CNTNAP2: variants seen among roughly 807,000 people sequenced by gnomAD.
CNTNAP2 encodes the protein contactin associated protein 2, also known as contactin-associated protein-like 2.
In CNTNAP2, 98 loss-of-function variants were observed where a neutral mutation model predicts 155.2. The ratio of observed to expected loss-of-function variants is 0.63; its 90% CI spans 0.54 to 0.75. The LOEUF (loss-of-function observed/expected upper bound fraction) is 0.75. Ranked by LOEUF, CNTNAP2 falls within the 30% of genes least tolerant of loss-of-function variation. The pLI is 0.00. For synonymous variants in CNTNAP2, 651 were observed against 631.2 expected (o/e 1.03, Z -0.47); for missense variants, 1,727 against 1,688.1 (o/e 1.02, Z -0.40).
intron 8 of CNTNAP2, among the ~76,000 whole-genome samples, chr7:147,172,938 C>G (rs577759620): frequency 1.3e-5 from 2 of 152,198 alleles, no homozygotes; most frequent in Admixed American, 1.3e-4. Context: ...CGTAATATAA[C>G]TGTCACAGAA....
At chr7:148,333,241 G>A (rs766026462) in intron 21 of CNTNAP2, among the ~76,000 whole-genome samples, 6 of 152,008 alleles carry the variant, frequency 3.9e-5, no homozygotes, top group South Asian at 2.1e-4. Flanking sequence ...CAGCCTGGCC[G>A]ACATGGCAAA....
intron 2 of CNTNAP2, among the ~76,000 whole-genome samples, chr7:146,778,310 A>T (rs949757548): frequency 2.0e-5 from 3 of 152,238 alleles, no homozygotes; most frequent in Admixed American, 6.5e-5. Context: ...ATATTTATGA[A>T]ATTGAATTTA....
chr7:147,368,129 C>T (rs992066426), intron 9 of CNTNAP2, among the ~76,000 whole-genome samples: 1 of 136,790 alleles, frequency 7.3e-6, no homozygotes, highest in Non-Finnish European at 1.6e-5. Flanking sequence ...CACACACACA[C>T]ACAAATATAC....
chr7:146,135,010 G>A (rs1197358497), intron 1 of CNTNAP2, among the ~76,000 whole-genome samples: 1 of 151,814 alleles, frequency 6.6e-6, no homozygotes, highest in Non-Finnish European at 1.5e-5. Flanking sequence ...TTGTACCTCT[G>A]GTAGAATTCA....
At chr7:147,369,260 AT>A (rs1796300141) in intron 9 of CNTNAP2, among the ~76,000 whole-genome samples, 1 of 152,228 alleles carries the variant, frequency 6.6e-6, no homozygotes, top group African/African-American at 2.4e-5. Flanking sequence ...CGTATTGGAT[AT>A]CTTCTCATGA....
intron 21 of CNTNAP2, among the ~76,000 whole-genome samples, chr7:148,303,162 C>T (rs1249230074): frequency 6.6e-6 from 1 of 152,222 alleles, no homozygotes; most frequent in East Asian, 1.9e-4. Flanking sequence ...GGGTCCCATA[C>T]ATCCTGAAAA....
intron 22 of CNTNAP2, 78 bp from the exon 23 acceptor site, chr7:148,409,313 C>A: frequency 9.0e-7 from 1 of 1,115,468 alleles, no homozygotes; most frequent in Non-Finnish European, 1.4e-6. Flanking sequence ...TGAAGAGTTG[C>A]ATGAAGAAAT....
At chr7:148,180,901 T>C (rs899877266) in intron 18 of CNTNAP2, among the ~76,000 whole-genome samples, 32 of 152,210 alleles carry the variant, frequency 2.1e-4, no homozygotes, top group African/African-American at 7.5e-4. Context: ...TCTGAGTGGA[T>C]GAGGTGGGGA....
At chr7:146,838,593 C>T (rs537640139) in intron 2 of CNTNAP2, among the ~76,000 whole-genome samples, 2 of 150,440 alleles carry the variant, frequency 1.3e-5, no homozygotes, top group South Asian at 4.2e-4. Context: ...GCTGGGATTA[C>T]AGGCGTGAGC....
At chr7:147,133,716 A>G (rs1183446213) in intron 8 of CNTNAP2, among the ~76,000 whole-genome samples, 4 of 151,974 alleles carry the variant, frequency 2.6e-5, no homozygotes, top group Non-Finnish European at 4.4e-5. Flanking sequence ...AATAGGCTTT[A>G]TGTTTGTGTG....
intron 16 of CNTNAP2, among the ~76,000 whole-genome samples, chr7:148,140,249 C>T (rs188693205): frequency 1.9e-3 from 296 of 152,142 alleles, no homozygotes; most frequent in Non-Finnish European, 2.8e-3. Flanking sequence ...TCCTGAGCCT[C>T]CATGTTCAGA....
intron 10 of CNTNAP2, among the ~76,000 whole-genome samples, chr7:147,441,813 T>TTG (rs1797639980): frequency 9.8e-6 from 1 of 102,114 alleles, no homozygotes; most frequent in African/African-American, 4.0e-5. Context: ...TGTAGTCTCT[T>TTG]TCTCTCTCTC....
rs193114906 is a variant in CNTNAP2, at chr7:146,305,967, T to C, written c.97+188994T>C. On this transcript the variant is annotated intron_variant, in intron 1 of 23. Coordinates refer to ENST00000361727, the MANE Select transcript of CNTNAP2 (RefSeq NM_014141.6). Reference sequence around the variant, plus strand: ...ATCAATGAATCCAGGAGCTGGTTTTTTGAAAAAATAAACAAAATTGATAGA... The same window carrying C: ...ATCAATGAATCCAGGAGCTGGTTTTCTGAAAAAATAAACAAAATTGATAGA... Among the ~76,000 whole-genome samples, 806 of 152,052 alleles carry C rather than the reference T, an allele frequency of 5.3e-3. 10 individuals are homozygous for C. Among genetic ancestry groups the C allele is most frequent in the African/African-American group, 0.019 (770 of 41,474 alleles).
At chr7:147,384,450 C>A (rs1796594053) in intron 9 of CNTNAP2, among the ~76,000 whole-genome samples, 1 of 151,998 alleles carries the variant, frequency 6.6e-6, no homozygotes, top group Non-Finnish European at 1.5e-5. Flanking sequence ...TGTGAATTTA[C>A]CTTGCAGTGA....
intron 15 of CNTNAP2, among the ~76,000 whole-genome samples, chr7:148,085,226 G>A (rs767671772): frequency 2.6e-5 from 4 of 152,136 alleles, no homozygotes; most frequent in Non-Finnish European, 5.9e-5. Flanking sequence ...TAAATACATC[G>A]AGGTCTAAAA....
At chr7:148,065,954 G>A (rs1286828042) in intron 15 of CNTNAP2, among the ~76,000 whole-genome samples, 1 of 152,172 alleles carries the variant, frequency 6.6e-6, no homozygotes, top group Admixed American at 6.6e-5. Flanking sequence ...AGAGCTCCTT[G>A]TAGCAATTCT....
intron 1 of CNTNAP2, among the ~76,000 whole-genome samples, chr7:146,282,726 C>T (rs187854970): frequency 6.6e-6 from 1 of 152,214 alleles, no homozygotes; most frequent in Non-Finnish European, 1.5e-5. Flanking sequence ...TTAAAATGGA[C>T]AAAATTCTGT....
intron 15 of CNTNAP2, among the ~76,000 whole-genome samples, chr7:148,029,094 T>C (rs1217356716): frequency 2.4e-5 from 2 of 83,004 alleles, no homozygotes; most frequent in East Asian, 5.0e-4. Flanking sequence ...GGATATCCTT[T>C]TGGGCAACAC....
chr7:147,236,425 T>TC (rs1378003261), intron 8 of CNTNAP2, among the ~76,000 whole-genome samples: 1 of 152,096 alleles, frequency 6.6e-6, no homozygotes, highest in Non-Finnish European at 1.5e-5. Flanking sequence ...AAGCTTGTTT[T>TC]TTTTTTTTTA....
Sources: allele counts gnomAD v4.1 joint callset (sites outside exome capture counted in the v4.1 genomes callset), GRCh38; gene constraint gnomAD v4.1.1; transcripts MANE v1.5; gene names NCBI Gene and HGNC (gene_info 2026-07-23, HGNC 2026-07-21).